The following TFEC variants were observed in gnomAD, a reference collection of about 807,000 sequenced individuals.
TFEC encodes the protein transcription factor EC.
A neutral mutation model predicts 41.6 loss-of-function variants in TFEC; 31 were observed. The ratio of observed to expected loss-of-function variants is 0.74; its 90% CI spans 0.56 to 1.01. The LOEUF (loss-of-function observed/expected upper bound fraction) is 1.01. TFEC is among the 50% of genes least tolerant of loss of function. The probability of loss-of-function intolerance (pLI) is 0.00; values close to 1 mark genes in which losing one functional copy is unlikely to be tolerated. For missense variants in TFEC, 402 were observed against 404.1 expected (o/e 0.99, Z 0.04); for synonymous variants, 143 against 140.6 (o/e 1.02, Z -0.12).
chr7:115,990,029 T>TC (rs1286772662), intron 1 of TFEC, among the ~76,000 whole-genome samples: 1 of 152,132 alleles, frequency 6.6e-6, no homozygotes, highest in Admixed American at 6.6e-5. Flanking sequence ...AGATAAAGCT[T>TC]CCAGAGGAAG....
At chr7:116,036,045 C>A (rs1266418106) in intron 3 of TFEC, among the ~76,000 whole-genome samples, 2 of 151,706 alleles carry the variant, frequency 1.3e-5, no homozygotes, top group African/African-American at 4.8e-5. Context: ...TTCACAAAAC[C>A]AAAACTGGGA....
intron 3 of TFEC, among the ~76,000 whole-genome samples, chr7:116,058,752 A>C (rs1796485462): frequency 6.6e-6 from 1 of 151,968 alleles, no homozygotes; most frequent in East Asian, 1.9e-4. Context: ...AAATCGCCAA[A>C]TATTTAGAGC....
At chr7:116,057,233 C>T (rs1796451903) in intron 3 of TFEC, among the ~76,000 whole-genome samples, 1 of 151,356 alleles carries the variant, frequency 6.6e-6, no homozygotes, top group African/African-American at 2.4e-5. Flanking sequence ...CAAAGGGGAA[C>T]AGAAAAAAAT....
At chr7:115,975,440 A>G (rs1793337420) in intron 2 of TFEC, among the ~76,000 whole-genome samples, 1 of 152,188 alleles carries the variant, frequency 6.6e-6, no homozygotes, top group Non-Finnish European at 1.5e-5. Flanking sequence ...TGTTATCTTC[A>G]AAGCAAGATA....
At chr7:115,970,406 G>A (rs962641340) in intron 3 of TFEC, among the ~76,000 whole-genome samples, 1 of 151,956 alleles carries the variant, frequency 6.6e-6, no homozygotes, top group African/African-American at 2.4e-5. Flanking sequence ...TTGGGGAGGA[G>A]AGAATGAGAG....
chr7:115,988,560 A>G (rs1191059865), intron 1 of TFEC, among the ~76,000 whole-genome samples: 6 of 152,112 alleles, frequency 3.9e-5, no homozygotes, highest in Non-Finnish European at 8.8e-5. Flanking sequence ...AAGAAACAAA[A>G]AAGAATATCT....
intron 3 of TFEC, among the ~76,000 whole-genome samples, chr7:116,106,288 G>A (rs917350467): frequency 6.6e-6 from 1 of 152,194 alleles, no homozygotes; most frequent in Non-Finnish European, 1.5e-5. Context: ...TTATCACAGT[G>A]TAAGTCTCTA....
intron 1 of TFEC, among the ~76,000 whole-genome samples, chr7:116,022,513 C>A (rs1248445800): frequency 6.6e-6 from 1 of 152,074 alleles, no homozygotes; most frequent in Non-Finnish European, 1.5e-5. Context: ...GTAGCCTTAT[C>A]TTTATAATGA....
chr7:115,962,846 C>A (rs1484251929), intron 3 of TFEC, among the ~76,000 whole-genome samples: 3 of 151,812 alleles, frequency 2.0e-5, no homozygotes, highest in Non-Finnish European at 4.4e-5. Flanking sequence ...ACTAACAACC[C>A]AATTTCATTT....
intron 1 of TFEC, among the ~76,000 whole-genome samples, chr7:116,140,828 T>C (rs1020011343): frequency 1.3e-5 from 2 of 152,236 alleles, no homozygotes; most frequent in African/African-American, 4.8e-5. Context: ...GCAACCATGA[T>C]GAACTAACAC....
In TFEC at chr7:115,940,935, T is replaced by C. The variant is rs1373824212; in HGVS notation, c.664-4A>G. ...TACGAGCCTGAATTTCTAGTTCCTG[T>C]AATTTCAAACGAAAATCATTAAATA... is the stretch of plus-strand genomic sequence containing the variant. On this transcript the variant is annotated splice_region_variant and splice_polypyrimidine_tract_variant and intron_variant, in intron 7 of 7. Coordinates refer to ENST00000265440, the MANE Select transcript of TFEC (RefSeq NM_012252.4). 45 of 1,555,702 alleles carry C rather than the reference T, an allele frequency of 2.9e-5. No individual in the cohort carries two copies. The East Asian group carries it at 1.0e-3, about 35-fold the overall frequency.
intron 1 of TFEC, among the ~76,000 whole-genome samples, chr7:115,997,753 G>C (rs896277239): frequency 2.0e-5 from 3 of 152,086 alleles, no homozygotes; most frequent in African/African-American, 7.2e-5. Flanking sequence ...ATTTAACAAA[G>C]AGATTGAAAT....
chr7:115,972,533 G>C (rs564741370), intron 3 of TFEC, among the ~76,000 whole-genome samples: 10 of 152,120 alleles, frequency 6.6e-5, no homozygotes, highest in African/African-American at 2.4e-4. Context: ...TGTGAATTGT[G>C]CCTCACTCAA....
intron 1 of TFEC, among the ~76,000 whole-genome samples, chr7:115,991,702 C>A (rs938161096): frequency 6.6e-6 from 1 of 152,158 alleles, no homozygotes; most frequent in Non-Finnish European, 1.5e-5. Context: ...GCACCCAATA[C>A]AAGAGCACCC....
intron 3 of TFEC, among the ~76,000 whole-genome samples, chr7:116,096,732 C>T (rs1316506150): frequency 6.6e-6 from 1 of 152,062 alleles, no homozygotes; most frequent in Non-Finnish European, 1.5e-5. Flanking sequence ...ATGATTTAAG[C>T]AAATATTACA....
chr7:116,023,833 C>T (rs1795488152), intron 1 of TFEC, among the ~76,000 whole-genome samples: 1 of 152,104 alleles, frequency 6.6e-6, no homozygotes, highest in African/African-American at 2.4e-5. Flanking sequence ...CCTCAGATTC[C>T]CTTTTTATGT....
intron 7 of TFEC, 77 bp downstream of exon 7, chr7:115,941,816 T>G: frequency 2.7e-6 from 4 of 1,487,436 alleles, no homozygotes; most frequent in Non-Finnish European, 3.6e-6. Flanking sequence ...AAAAAATAAA[T>G]GAGACCAATG....
intron 3 of TFEC, among the ~76,000 whole-genome samples, chr7:116,073,517 T>C (rs1342072398): frequency 6.6e-6 from 1 of 151,744 alleles, no homozygotes; most frequent in Non-Finnish European, 1.5e-5. Flanking sequence ...TGCAGCAAAC[T>C]ACCATAGCAC....
intron 3 of TFEC, among the ~76,000 whole-genome samples, chr7:115,973,039 T>C (rs563777346): frequency 6.6e-6 from 1 of 152,058 alleles, no homozygotes; most frequent in Non-Finnish European, 1.5e-5. Flanking sequence ...TATGGCTACT[T>C]GAAATCTGAA....
Sources: gnomAD v4.1 joint callset for allele counts (sites outside exome capture counted in the v4.1 genomes callset) on GRCh38, gnomAD v4.1.1 for gene constraint, MANE v1.5 for transcripts, NCBI Gene and HGNC (gene_info 2026-07-23, HGNC 2026-07-21) for gene names.